CCDC85A: variants seen among roughly 807,000 people sequenced by gnomAD.
The protein encoded by CCDC85A is coiled-coil domain containing 85A, also known as coiled-coil domain-containing protein 85A.
A neutral mutation model predicts 50.2 loss-of-function variants in CCDC85A; 38 were observed. That is an observed-to-expected ratio of 0.76 (90% CI 0.58 to 0.99). CCDC85A has a LOEUF of 0.99. CCDC85A is among the 50% of genes least tolerant of loss of function. The pLI, the probability that CCDC85A is intolerant of heterozygous loss-of-function variation, is 0.00. For synonymous variants in CCDC85A, 366 were observed against 301.4 expected (o/e 1.21, Z -2.22); for missense variants, 820 against 742.0 (o/e 1.11, Z -1.22).
intron 2 of CCDC85A, among the ~76,000 whole-genome samples, chr2:56,213,530 A>G (rs1013458333): frequency 5.9e-5 from 9 of 152,128 alleles, no homozygotes; most frequent in African/African-American, 2.2e-4. Context: ...TCAAACAAAA[A>G]CAGTTGTTCT....
chr2:56,208,735 G>A (rs1195730606), intron 2 of CCDC85A, among the ~76,000 whole-genome samples: 1 of 152,060 alleles, frequency 6.6e-6, no homozygotes, highest in African/African-American at 2.4e-5. Flanking sequence ...CAACACATAT[G>A]ATAAAGGGCA....
intron 2 of CCDC85A, among the ~76,000 whole-genome samples, chr2:56,238,067 G>C (rs571086757): frequency 3.9e-5 from 6 of 152,010 alleles, no homozygotes; most frequent in Non-Finnish European, 7.4e-5. Context: ...TCCCTGGTCC[G>C]CCTGACTGTA....
At chr2:56,334,667 A>G (rs982579100) in intron 2 of CCDC85A, among the ~76,000 whole-genome samples, 1 of 152,220 alleles carries the variant, frequency 6.6e-6, no homozygotes, top group Non-Finnish European at 1.5e-5. Flanking sequence ...TCCAACAACA[A>G]GAGCACATTA....
At chr2:56,321,514 C>T (rs1673183964) in intron 2 of CCDC85A, among the ~76,000 whole-genome samples, 1 of 152,002 alleles carries the variant, frequency 6.6e-6, no homozygotes, top group East Asian at 1.9e-4. Context: ...AAACAGAGAG[C>T]CAAATCATGA....
intron 2 of CCDC85A, among the ~76,000 whole-genome samples, chr2:56,310,392 A>T (rs1231739518): frequency 6.6e-6 from 1 of 152,100 alleles, no homozygotes; most frequent in African/African-American, 2.4e-5. Flanking sequence ...CAGTCCTGTC[A>T]ATTGCAGCTA....
chr2:56,379,748 A>T, intron 5 of CCDC85A: 2 of 973,088 alleles, frequency 2.1e-6, no homozygotes, highest in African/African-American at 1.8e-5. Context: ...CAACAAATCC[A>T]GGTCTTGGAT....
chr2:56,346,879 G>A (rs998328724), intron 3 of CCDC85A, among the ~76,000 whole-genome samples: 1 of 152,084 alleles, frequency 6.6e-6, no homozygotes, highest in African/African-American at 2.4e-5. Flanking sequence ...TGCTCACATT[G>A]GCTGTCAGTT....
chr2:56,233,166 C>T (rs1474698706), intron 2 of CCDC85A, among the ~76,000 whole-genome samples: 1 of 152,184 alleles, frequency 6.6e-6, no homozygotes, highest in Non-Finnish European at 1.5e-5. Flanking sequence ...CCAGCCTCTC[C>T]AGCTCCTGGT....
chr2:56,262,094 C>A (rs560019268), intron 2 of CCDC85A, among the ~76,000 whole-genome samples: 1 of 152,114 alleles, frequency 6.6e-6, no homozygotes, highest in African/African-American at 2.4e-5. Flanking sequence ...TAATTTCAGC[C>A]CAATTTCAGG....
chr2:56,184,921 G>A (rs1273711056), intron 1 of CCDC85A, 21 bp downstream of exon 1: 5 of 1,461,690 alleles, frequency 3.4e-6, no homozygotes, highest in Non-Finnish European at 4.5e-6. Context: ...GCCAGGTGGG[G>A]AGGCGCGGCG....
chr2:56,347,233 A>G (rs182148981), intron 3 of CCDC85A, among the ~76,000 whole-genome samples: 13 of 152,310 alleles, frequency 8.5e-5, no homozygotes, highest in Admixed American at 3.9e-4. Flanking sequence ...GTCAAGGTGT[A>G]TTGGGTTCAC....
At chr2:56,302,429 AG>A (rs746252162) in intron 2 of CCDC85A, among the ~76,000 whole-genome samples, 53 of 152,294 alleles carry the variant, frequency 3.5e-4, no homozygotes, top group Middle Eastern at 3.4e-3. Flanking sequence ...ATTGAGCTCA[AG>A]GGGAAAGCCA....
At chr2:56,354,223 G>T (rs2104351725) in intron 3 of CCDC85A, among the ~76,000 whole-genome samples, 1 of 152,232 alleles carries the variant, frequency 6.6e-6, no homozygotes, top group East Asian at 1.9e-4. Context: ...CCAACAATAG[G>T]TATTCTTTAT....
intron 2 of CCDC85A, among the ~76,000 whole-genome samples, chr2:56,251,382 A>T (rs1473631366): frequency 6.6e-6 from 1 of 152,238 alleles, no homozygotes; most frequent in Non-Finnish European, 1.5e-5. Context: ...TTTGGGAAAA[A>T]GTTGACGAGT....
chr2:56,259,088 C>T (rs1670109337), intron 2 of CCDC85A, among the ~76,000 whole-genome samples: 1 of 152,136 alleles, frequency 6.6e-6, no homozygotes, highest in South Asian at 2.1e-4. Context: ...CTTTTTCCTG[C>T]AGCGATTGCT....
chr2:56,213,755 G>A (rs969271507), intron 2 of CCDC85A, among the ~76,000 whole-genome samples: 4 of 151,876 alleles, frequency 2.6e-5, no homozygotes, highest in Admixed American at 6.6e-5. Flanking sequence ...ATAAAAATTT[G>A]CTGTTTAAGT....
chr2:56,357,256 G>A (rs1675280712), intron 3 of CCDC85A, among the ~76,000 whole-genome samples: 1 of 152,008 alleles, frequency 6.6e-6, no homozygotes, highest in Non-Finnish European at 1.5e-5. Flanking sequence ...AGAGAAGGTG[G>A]GGACAGCTGC....
intron 2 of CCDC85A, among the ~76,000 whole-genome samples, chr2:56,272,022 A>G (rs572126313): frequency 2.0e-5 from 3 of 152,260 alleles, no homozygotes; most frequent in Admixed American, 1.3e-4. Context: ...TTCATTTCCA[A>G]ATATGTTTGC....
intron 2 of CCDC85A, among the ~76,000 whole-genome samples, chr2:56,237,538 G>A (rs1268632018): frequency 6.6e-6 from 1 of 152,270 alleles, no homozygotes; most frequent in Admixed American, 6.5e-5. Flanking sequence ...TTACGTGAAT[G>A]TCTTATTTAA....
Sources: gnomAD v4.1 joint callset for allele counts (sites outside exome capture counted in the v4.1 genomes callset) on GRCh38, gnomAD v4.1.1 for gene constraint, MANE v1.5 for transcripts, NCBI Gene and HGNC (gene_info 2026-07-23, HGNC 2026-07-21) for gene names.